Variants in CLYBL observed in about 807,000 individuals in gnomAD.
The protein encoded by CLYBL is citramalyl-CoA lyase, mitochondrial.
A neutral mutation model predicts 38.9 loss-of-function variants in CLYBL; 31 were observed. The ratio of observed to expected loss-of-function variants is 0.80; its 90% CI spans 0.60 to 1.08. CLYBL has a LOEUF of 1.08. CLYBL is among the 50% of genes least tolerant of loss of function. The pLI, the probability that CLYBL is intolerant of heterozygous loss-of-function variation, is 0.00. For synonymous variants in CLYBL, 171 were observed against 158.6 expected, an observed-to-expected ratio of 1.08 and a Z score of -0.59; for missense variants, 434 against 411.6, an observed-to-expected ratio of 1.05 and a Z score of -0.47.
intron 1 of CLYBL, among the ~76,000 whole-genome samples, chr13:99,711,140 A>T (rs947426887): frequency 2.6e-5 from 4 of 152,090 alleles, no homozygotes; most frequent in Admixed American, 6.6e-5. Context: ...GGCCTCCCAA[A>T]GTGCCAGGAT....
intron 2 of CLYBL, among the ~76,000 whole-genome samples, chr13:99,774,099 G>A (rs1365521110): frequency 2.0e-5 from 3 of 151,906 alleles, no homozygotes; most frequent in Non-Finnish European, 4.4e-5. Context: ...CAGGTGTGGC[G>A]GCGTGTACCT....
At chr13:99,629,274 C>T (rs902195916) in intron 1 of CLYBL, among the ~76,000 whole-genome samples, 6 of 152,288 alleles carry the variant, frequency 3.9e-5, no homozygotes, top group Non-Finnish European at 7.4e-5. Context: ...TATCTGAAAC[C>T]ATGAAGAAAA....
At chr13:99,667,199 G>A (rs1380302944) in intron 1 of CLYBL, among the ~76,000 whole-genome samples, 1 of 152,154 alleles carries the variant, frequency 6.6e-6, no homozygotes, top group Non-Finnish European at 1.5e-5. Context: ...CTAGTAGAAT[G>A]TGGTGGGAAC....
chr13:99,867,758 A>C (rs1206035853), intron 6 of CLYBL, among the ~76,000 whole-genome samples: 1 of 152,192 alleles, frequency 6.6e-6, no homozygotes, highest in Non-Finnish European at 1.5e-5. Flanking sequence ...AATGTATGGC[A>C]CTGGCTGCCA....
rs149648051 is a variant in CLYBL, at chr13:99,772,064, T to A, written c.63-760T>A. Reference sequence around the variant, plus strand: ...ATGTGAATCACCAATTTTCACCCTTTAAAAGATGTATTGGCAGGGCAAGGG... The same window carrying A: ...ATGTGAATCACCAATTTTCACCCTTAAAAAGATGTATTGGCAGGGCAAGGG... On this transcript the variant is annotated intron_variant, in intron 1 of 8. Transcript: ENST00000339105. Among the ~76,000 whole-genome samples, 1,080 of 152,236 alleles carry A rather than the reference T, an allele frequency of 7.1e-3. 17 individuals are homozygous for A. Among genetic ancestry groups the A allele is most frequent in the African/African-American group, 0.024 (1,013 of 41,574 alleles).
intron 1 of CLYBL, among the ~76,000 whole-genome samples, chr13:99,757,267 A>G (rs1232153455): frequency 6.6e-6 from 1 of 152,034 alleles, no homozygotes; most frequent in Non-Finnish European, 1.5e-5. Context: ...GTTTGTGGAA[A>G]CCTGATTGAG....
chr13:99,629,678 A>C (rs145108053), intron 1 of CLYBL, among the ~76,000 whole-genome samples: 1 of 152,110 alleles, frequency 6.6e-6, no homozygotes, highest in African/African-American at 2.4e-5. Flanking sequence ...TCTGTCCTTC[A>C]TCTCAAAGAC....
At chr13:99,878,045 C>T (rs1359245581) in intron 7 of CLYBL, among the ~76,000 whole-genome samples, 1 of 152,174 alleles carries the variant, frequency 6.6e-6, no homozygotes, top group Admixed American at 6.5e-5. Context: ...GCACGCACCT[C>T]CCTGCAGCAT....
chr13:99,832,206 G>T (rs143710194), intron 2 of CLYBL, among the ~76,000 whole-genome samples: 1 of 152,126 alleles, frequency 6.6e-6, no homozygotes, highest in Non-Finnish European at 1.5e-5. Flanking sequence ...TGCTTTGATG[G>T]TTGACTCCCA....
At chr13:99,713,596 T>G (rs1167740216) in intron 1 of CLYBL, among the ~76,000 whole-genome samples, 5 of 152,144 alleles carry the variant, frequency 3.3e-5, no homozygotes, top group Non-Finnish European at 7.3e-5. Flanking sequence ...CTCCTTGGCC[T>G]TCCAAAGTGC....
chr13:99,747,179 C>T (rs921465044), intron 1 of CLYBL, among the ~76,000 whole-genome samples: 11 of 152,212 alleles, frequency 7.2e-5, no homozygotes, highest in South Asian at 6.2e-4. Context: ...AAACAAGGAG[C>T]TTTGCAGAAA....
rs73572576 is a variant in CLYBL, at chr13:99,830,716, A to G, written c.250-28145A>G. 7.1e-3 allele frequency among the ~76,000 whole-genome samples: 1,081 copies of G among 152,316 alleles called. 10 individuals carry two copies. The highest frequency in any genetic ancestry group is 0.025 in the African/African-American group (1,019 of 41,554). ...TGTAGAGAGGAGAGGGAGAGATGGA[A>G]AAGGGAGAACTCACCTTTGTTAACA... On this transcript the variant is annotated intron_variant, in intron 2 of 8. Transcript: ENST00000339105.
At chr13:99,775,429 A>G (rs1248827304) in intron 2 of CLYBL, among the ~76,000 whole-genome samples, 2 of 152,162 alleles carry the variant, frequency 1.3e-5, no homozygotes, top group Non-Finnish European at 2.9e-5. Flanking sequence ...CTTTACTAGG[A>G]CATTTTCATT....
intron 7 of CLYBL, among the ~76,000 whole-genome samples, chr13:99,890,452 C>A (rs1159184456): frequency 4.6e-5 from 7 of 152,074 alleles, no homozygotes; most frequent in Non-Finnish European, 7.4e-5. Flanking sequence ...TCCTTTGTTA[C>A]AGCTCATGTC....
chr13:99,750,540 A>G (rs745563161), intron 1 of CLYBL, among the ~76,000 whole-genome samples: 3 of 151,976 alleles, frequency 2.0e-5, no homozygotes, highest in Non-Finnish European at 4.4e-5. Context: ...CAGGCATGGT[A>G]GCAGGCACCT....
chr13:99,800,741 G>T (rs2050114837), intron 2 of CLYBL, among the ~76,000 whole-genome samples: 1 of 152,052 alleles, frequency 6.6e-6, no homozygotes, highest in Non-Finnish European at 1.5e-5. Context: ...TGGCATGGTG[G>T]CGCATGCCTT....
At chr13:99,739,603 G>T (rs2048718406) in intron 1 of CLYBL, among the ~76,000 whole-genome samples, 1 of 152,194 alleles carries the variant, frequency 6.6e-6, no homozygotes, top group South Asian at 2.1e-4. Flanking sequence ...ATGTCACTGT[G>T]AGTATGGAAA....
At chr13:99,800,162 G>C (rs2050103016) in intron 2 of CLYBL, among the ~76,000 whole-genome samples, 1 of 152,162 alleles carries the variant, frequency 6.6e-6, no homozygotes, top group Non-Finnish European at 1.5e-5. Flanking sequence ...CACCCACATG[G>C]TTTGGGTGTG....
chr13:99,842,154 A>T (rs1245469801), intron 2 of CLYBL, among the ~76,000 whole-genome samples: 2 of 152,152 alleles, frequency 1.3e-5, no homozygotes, highest in Non-Finnish European at 2.9e-5. Context: ...GATTTGATGC[A>T]AGTCGACAGT....
Sources: allele counts gnomAD v4.1 joint callset (sites outside exome capture counted in the v4.1 genomes callset), GRCh38; gene constraint gnomAD v4.1.1; transcripts MANE v1.5; gene names NCBI Gene and HGNC (gene_info 2026-07-23, HGNC 2026-07-21).